TENM3: variants seen among roughly 807,000 people sequenced by gnomAD.
TENM3 encodes teneurin-3.
In TENM3, 63 loss-of-function variants were observed where a neutral mutation model predicts 255.1. That is an observed-to-expected ratio of 0.25 (90% confidence interval 0.20 to 0.30). The LOEUF is 0.30. Among genes scored for constraint, TENM3 ranks in the 10% least tolerant of loss-of-function variants. The pLI is 1.00. For missense variants in TENM3, 2,929 were observed against 3,461.1 expected (o/e 0.85, Z 3.86); for synonymous variants, 1,306 against 1,322.3 (o/e 0.99, Z 0.27).
At chr4:181,728,396 A>C in the TENM3 span, among the ~76,000 whole-genome samples, 1 of 152,216 alleles carries the variant, frequency 6.6e-6, no homozygotes, top group African/African-American at 2.4e-5. Context: ...GCTTGACTGA[A>C]TATACTTACA....
At chr4:182,442,806 A>G (rs118127866) in intron 3 of TENM3, among the ~76,000 whole-genome samples, 11,622 of 145,492 alleles carry the variant, frequency 0.08, 697 homozygotes, top group East Asian at 0.23. Context: ...GTGTGTGTGT[A>G]TATACACATA....
At chr4:181,542,596 T>C in the TENM3 span, among the ~76,000 whole-genome samples, 1 of 152,116 alleles carries the variant, frequency 6.6e-6, no homozygotes, top group African/African-American at 2.4e-5. Context: ...ACTAACGCGA[T>C]TGTAGATGGA....
chr4:181,725,732 G>T, the TENM3 span, among the ~76,000 whole-genome samples: 3 of 151,996 alleles, frequency 2.0e-5, no homozygotes, highest in East Asian at 5.8e-4. Context: ...GTGAACCACC[G>T]CACCCAGCCT....
chr4:182,434,374 T>C (rs759000108), intron 3 of TENM3, among the ~76,000 whole-genome samples: 1 of 152,080 alleles, frequency 6.6e-6, no homozygotes, highest in Non-Finnish European at 1.5e-5. Context: ...TAAATAATAG[T>C]ATAGCTGGCT....
chr4:182,584,888 C>G (rs1429677794), intron 3 of TENM3, among the ~76,000 whole-genome samples: 1 of 152,060 alleles, frequency 6.6e-6, no homozygotes, highest in Non-Finnish European at 1.5e-5. Context: ...GCAATCCACC[C>G]ACCTCGGCCT....
At chr4:182,031,305 T>C in the TENM3 span, among the ~76,000 whole-genome samples, 1 of 152,194 alleles carries the variant, frequency 6.6e-6, no homozygotes, top group Non-Finnish European at 1.5e-5. Context: ...ATTTATTAAA[T>C]AGGGAATTAT....
At chr4:182,389,797 T>A (rs937113650) in intron 3 of TENM3, among the ~76,000 whole-genome samples, 76 of 150,562 alleles carry the variant, frequency 5.0e-4, no homozygotes, top group Admixed American at 1.3e-3. Context: ...GCCATTCTCC[T>A]GCCTCAGCCT....
chr4:182,008,081 C>A, the TENM3 span, among the ~76,000 whole-genome samples: 9 of 152,124 alleles, frequency 5.9e-5, no homozygotes, highest in Non-Finnish European at 1.3e-4. Context: ...AGAGTTTCTG[C>A]TGAGAGGTCT....
chr4:182,497,800 G>A (rs1251288980), intron 3 of TENM3, among the ~76,000 whole-genome samples: 12 of 146,468 alleles, frequency 8.2e-5, no homozygotes, highest in Non-Finnish European at 1.5e-4. Flanking sequence ...ATGTAGACAC[G>A]TGATGTATAT....
intron 2 of TENM3, among the ~76,000 whole-genome samples, chr4:182,333,918 GA>G: frequency 7.3e-6 from 1 of 137,608 alleles, no homozygotes; most frequent in East Asian, 2.2e-4. Flanking sequence ...TATAACGGTT[GA>G]GAGTATAGGT....
intron 1 of TENM3, among the ~76,000 whole-genome samples, chr4:182,233,274 C>T (rs1049336265): frequency 6.6e-6 from 1 of 152,206 alleles, no homozygotes; most frequent in African/African-American, 2.4e-5. Context: ...GGCATCTATC[C>T]TGGATAGACG....
intron 4 of TENM3, among the ~76,000 whole-genome samples, chr4:182,602,086 C>G (rs761770591): frequency 7.9e-5 from 12 of 152,226 alleles, no homozygotes; most frequent in African/African-American, 2.9e-4. Context: ...TATAAAATTT[C>G]GCCTTCTTTC....
At chr4:182,657,056 C>T (rs892819690) in intron 6 of TENM3, among the ~76,000 whole-genome samples, 1 of 152,150 alleles carries the variant, frequency 6.6e-6, no homozygotes, top group Non-Finnish European at 1.5e-5. Flanking sequence ...AAATTATTCC[C>T]CTGGCCCAAG....
chr4:181,820,201 CA>C, the TENM3 span: 1 of 152,118 alleles, frequency 6.6e-6, no homozygotes, highest in African/African-American at 2.4e-5. Context: ...CTCTGATATC[CA>C]TACCCATGGC....
At chr4:181,933,289 C>G in the TENM3 span, among the ~76,000 whole-genome samples, 1 of 152,124 alleles carries the variant, frequency 6.6e-6, no homozygotes, top group Non-Finnish European at 1.5e-5. Context: ...AGTTATCAAT[C>G]AGAAAATAAG....
chr4:182,660,475 A>T (rs1157329219), intron 6 of TENM3, among the ~76,000 whole-genome samples: 2 of 152,202 alleles, frequency 1.3e-5, no homozygotes, highest in Non-Finnish European at 2.9e-5. Flanking sequence ...GAATCAGGTC[A>T]TGCATGCAGG....
chr4:181,448,189 C>T, the TENM3 span, among the ~76,000 whole-genome samples: 1 of 98,986 alleles, frequency 1.0e-5, no homozygotes. Context: ...TTTTTTGAGA[C>T]GGAGTCTCGC....
chr4:181,641,292 G>T, the TENM3 span, among the ~76,000 whole-genome samples: 1 of 151,324 alleles, frequency 6.6e-6, no homozygotes, highest in Non-Finnish European at 1.5e-5. Flanking sequence ...CCATCAACCC[G>T]TCACCTACAT....
chr4:181,797,544 C>G, the TENM3 span, among the ~76,000 whole-genome samples: 1 of 152,086 alleles, frequency 6.6e-6, no homozygotes, highest in Non-Finnish European at 1.5e-5. Context: ...CTAACGCTGC[C>G]CCATCTTTCC....
Sources: gnomAD v4.1 joint callset for allele counts (sites outside exome capture counted in the v4.1 genomes callset) on GRCh38, gnomAD v4.1.1 for gene constraint, MANE v1.5 for transcripts, NCBI Gene and HGNC (gene_info 2026-07-23, HGNC 2026-07-21) for gene names.